The following CILP variants were observed in gnomAD, a reference collection of about 807,000 sequenced individuals.
The protein encoded by CILP is cartilage intermediate layer protein 1.
Under a neutral mutation model 82.5 loss-of-function variants are expected in CILP, and 75 were observed. The observed-to-expected ratio is 0.91, with a 90% CI of 0.75 to 1.10. The LOEUF is 1.10. CILP is among the 50% of genes least tolerant of loss of function. The pLI, the probability that CILP is intolerant of heterozygous loss-of-function variation, is 0.00. For synonymous variants in CILP, 530 were observed against 580.3 expected, an observed-to-expected ratio of 0.91 and a Z score of 1.25; for missense variants, 1,479 against 1,530.8, an observed-to-expected ratio of 0.97 and a Z score of 0.56.
chr15:65,201,728 CAAAAAAA>C (rs59737757), intron 8 of CILP, 137 bp downstream of exon 8: 144 of 269,976 alleles, frequency 5.3e-4, no homozygotes, highest in Middle Eastern at 2.0e-3. Context: ...GACTCCATCT[CAAAAAAA>C]AAAAAAAAAA....
Position 65,205,345 on chromosome 15 carries a change from C to T in CILP, c.546G>A (p.Val182=). 1 of 1,614,134 alleles carries T rather than the reference C, an allele frequency of 6.2e-7. No individual in the cohort carries two copies. The highest frequency in any genetic ancestry group is 8.5e-7 in the Non-Finnish European group (1 of 1,180,038). Residue 182 remains valine, a synonymous_variant, in exon 5 of 9, where the codon GTG becomes GTA. Transcript: ENST00000261883. Reference sequence around the variant, plus strand: ...CTTCGCTGGCCTCACTGCACAGCGACACCATCTCTGCCAAGCAAATGCGTG... The same window carrying T: ...CTTCGCTGGCCTCACTGCACAGCGATACCATCTCTGCCAAGCAAATGCGTG... ...TRTRICLAEM[V]SLCSEASEEG...
At chr15:65,202,170 C>T (rs2088465336) in intron 7 of CILP, 141 bp from the exon 8 acceptor site, 2 of 665,544 alleles carry the variant, frequency 3.0e-6, no homozygotes, top group Non-Finnish European at 4.7e-6. Context: ...CTTGGCTCAT[C>T]CAAGAGCACT....
intron 2 of CILP, among the ~76,000 whole-genome samples, chr15:65,209,185 C>T (rs145602291): frequency 1.3e-5 from 2 of 152,132 alleles, no homozygotes; most frequent in Non-Finnish European, 2.9e-5. Context: ...CCTTCCAGAG[C>T]TCAGTATCAC....
chr15:65,211,146 C>T (rs1222513716), intron 1 of CILP, among the ~76,000 whole-genome samples: 1 of 152,186 alleles, frequency 6.6e-6, no homozygotes, highest in Non-Finnish European at 1.5e-5. Context: ...GACTGGCTGA[C>T]CGCAGGGAAT....
intron 3 of CILP, 146 bp from the exon 4 acceptor site, chr15:65,207,197 G>T (rs2088527666): frequency 3.5e-6 from 3 of 850,238 alleles, no homozygotes; most frequent in Non-Finnish European, 5.3e-6. Flanking sequence ...ACCTGCCACT[G>T]CTGAGGCCTC....
In CILP at chr15:65,207,685, G is replaced by T; in HGVS notation, c.141C>A (p.Ala47=). 1 of 1,614,040 alleles carries T rather than the reference G, an allele frequency of 6.2e-7. No homozygotes were observed. The highest frequency in any genetic ancestry group is 8.5e-7 in the Non-Finnish European group (1 of 1,179,940). ...KKNPSIFAKP[A]DTLESPGEWT... ...GCCACAACTCACTCTCCAGGGTGTC[G>T]GCAGGCTTGGCAAAGATGCTGGGGT... The change falls in exon 3 of 9, where the codon GCC becomes GCA. Residue 47 remains alanine, a synonymous_variant. Transcript: ENST00000261883.
At chr15:65,207,637 C>T in intron 3 of CILP, 35 bp downstream of exon 3, 1 of 1,579,906 alleles carries the variant, frequency 6.3e-7, no homozygotes, top group Non-Finnish European at 8.7e-7. Flanking sequence ...TAAAGGCTGC[C>T]CCTCCAGCCC....
intron 8 of CILP, among the ~76,000 whole-genome samples, chr15:65,199,412 A>G (rs2088423757): frequency 6.6e-6 from 1 of 152,246 alleles, no homozygotes; most frequent in Admixed American, 6.5e-5. Context: ...GGTAGGGGCC[A>G]TTGATGTTCT....
intron 7 of CILP, 32 bp from the exon 8 acceptor site, chr15:65,202,061 G>T: frequency 1.4e-6 from 2 of 1,478,366 alleles, no homozygotes; most frequent in East Asian, 2.6e-5. Flanking sequence ...AACCTGAATG[G>T]GCAGTGGGAG....
intron 7 of CILP, among the ~76,000 whole-genome samples, chr15:65,202,552 C>T (rs778544188): frequency 3.5e-4 from 53 of 151,898 alleles, no homozygotes; most frequent in Non-Finnish European, 6.8e-4. Flanking sequence ...CTTAGCCTCT[C>T]GAGTAGCTGG....
rs1425114081 is a variant in CILP, at chr15:65,197,729, A to T, written c.2557T>A (p.Tyr853Asn). 6.2e-7 allele frequency: 1 copy of T among 1,612,710 alleles called. No individual in the cohort carries two copies. The highest frequency in any genetic ancestry group is 1.1e-5 in the South Asian group (1 of 91,080). Residue 853 changes from tyrosine (Y) to asparagine (N), a missense_variant, in exon 9 of 9, where the codon TAT becomes AAT. Tyr to Asn is a moderately radical substitution (Grantham distance 143). Transcript: ENST00000261883. ...NPNAIGVPQPYLNKLNYRRTD... is the reference protein window; with the variant it reads ...NPNAIGVPQPNLNKLNYRRTD... ...CGACGGTAGTTGAGCTTGTTGAGAT[A>T]GGGCTGAGGGACGCCAATTGCATTT...
At chr15:65,204,919 TGA>T (rs2088500533) in intron 5 of CILP, among the ~76,000 whole-genome samples, 1 of 152,090 alleles carries the variant, frequency 6.6e-6, no homozygotes, top group Admixed American at 6.5e-5. Flanking sequence ...CTAGGGAGGC[TGA>T]GATAGTAGAA....
intron 7 of CILP, 132 bp downstream of exon 7, chr15:65,203,230 G>A (rs987048196): frequency 2.4e-5 from 15 of 624,236 alleles, no homozygotes; most frequent in East Asian, 8.5e-5. Context: ...CCCAACATCC[G>A]GGCTCTGTAC....
At chr15:65,207,106 T>C in intron 3 of CILP, 55 bp from the exon 4 acceptor site, 1 of 1,565,906 alleles carries the variant, frequency 6.4e-7, no homozygotes, top group Non-Finnish European at 8.6e-7. Context: ...GCTCCAGTTC[T>C]CCTTTCCCTC....
Position 65,206,132 on chromosome 15 carries a change from A to C in CILP, c.424+650T>G, listed in dbSNP as rs565673220. Among the ~76,000 whole-genome samples, 311 of 152,202 alleles carry C rather than the reference A, an allele frequency of 2.0e-3. 3 individuals carry two copies. The highest frequency in any genetic ancestry group is 6.6e-3 in the African/African-American group (276 of 41,526). ...CTCTGCAAACACGGACATGGTTCAA[A>C]CCCCAGCTCTGCCTTATCAGCTATG... On this transcript the variant is annotated intron_variant, in intron 4 of 8. Transcript: ENST00000261883.
rs1207694752 is a variant in CILP, at chr15:65,198,437, T to C, written c.1849A>G (p.Ile617Val). 1.9e-6 allele frequency: 3 copies of C among 1,614,278 alleles called. No homozygotes were observed. Among genetic ancestry groups the C allele is most frequent in the South Asian group, 1.1e-5 (1 of 91,092 alleles). ...SFYRQNGEPY[I>V]GKVKASVTFL... is the part of the protein sequence containing the mutation. ...GTCACACTGGCCTTCACTTTTCCTA[T>C]GTAGGGCTCCCCATTCTGCCTGTAG... The change falls in exon 9 of 9, where the codon ATA becomes GTA. Residue 617 changes from isoleucine (I) to valine (V), a missense_variant. Ile to Val is a conservative substitution (Grantham distance 29). Coordinates refer to ENST00000261883, the MANE Select transcript of CILP (RefSeq NM_003613.4).
At position 65,197,121 on chromosome 15, in the gene CILP, G is replaced by A; in HGVS notation, c.3165C>T (p.Asn1055=). Reference sequence around the variant, plus strand: ...GCATGGTGTACTCACTGGTGTCGTTGTTGACTGCAAGTGGCAAGTGGTTGA... The same window carrying A: ...GCATGGTGTACTCACTGGTGTCGTTATTGACTGCAAGTGGCAAGTGGTTGA... The part of the protein sequence containing the change: ...YLVNHLPLAV[N]NDTSEYTMLA... Residue 1055 remains asparagine (N), a synonymous_variant, in exon 9 of 9, where the codon AAC becomes AAT. Transcript: ENST00000261883. The A allele has an allele frequency of 1.2e-6, 2 of 1,613,954 alleles. No homozygotes were observed. Among genetic ancestry groups the A allele is most frequent in the South Asian group, 2.2e-5 (2 of 91,080 alleles).
chr15:65,208,915 C>T (rs190104271), intron 2 of CILP, among the ~76,000 whole-genome samples: 16 of 151,224 alleles, frequency 1.1e-4, no homozygotes, highest in Admixed American at 8.6e-4. Flanking sequence ...AGGAGGCAGG[C>T]ACATACAGGG....
chr15:65,201,673 G>T lies in CILP; in HGVS notation c.1186+199C>A, dbSNP rs548210093. Among the ~76,000 whole-genome samples the T allele has an allele frequency of 1.2e-3, 174 of 146,560 alleles. 1 individual carries two copies. The highest frequency in any genetic ancestry group is 4.3e-3 in the African/African-American group (167 of 39,260). On this transcript the variant is annotated intron_variant, in intron 8 of 8. Coordinates refer to ENST00000261883, the MANE Select transcript of CILP (RefSeq NM_003613.4). ...GAACCTGGGAGGCAGAGGTTGAAGTGAGCTGAGATGGTGCCACTGCACTCC... is the reference window on the plus strand; with the variant it reads ...GAACCTGGGAGGCAGAGGTTGAAGTTAGCTGAGATGGTGCCACTGCACTCC...
Sources: allele counts gnomAD v4.1 joint callset (sites outside exome capture counted in the v4.1 genomes callset), GRCh38; gene constraint gnomAD v4.1.1; transcripts MANE v1.5; gene names NCBI Gene and HGNC (gene_info 2026-07-23, HGNC 2026-07-21).